FER1L6: variants seen among roughly 807,000 people sequenced by gnomAD.
The protein encoded by FER1L6 is fer-1 like family member 6, also known as fer-1-like protein 6.
In FER1L6, 177 loss-of-function variants were observed where a neutral mutation model predicts 219.2. That is an observed-to-expected ratio of 0.81 (90% CI 0.71 to 0.91). FER1L6 has a LOEUF of 0.91. Among genes scored for constraint, FER1L6 ranks in the 40% least tolerant of loss-of-function variants. The pLI is 0.00. For synonymous variants in FER1L6, 768 were observed against 824.3 expected (o/e 0.93, Z 1.17); for missense variants, 2,153 against 2,259.9 (o/e 0.95, Z 0.96).
intron 12 of FER1L6, among the ~76,000 whole-genome samples, chr8:123,988,593 A>G (rs1415045993): frequency 3.9e-5 from 6 of 152,056 alleles, no homozygotes; most frequent in Admixed American, 3.3e-4. Flanking sequence ...GCTATTGTAA[A>G]TGGGATTACT....
chr8:124,088,425 C>T (rs867251652), intron 33 of FER1L6, among the ~76,000 whole-genome samples: 1 of 151,880 alleles, frequency 6.6e-6, no homozygotes, highest in Non-Finnish European at 1.5e-5. Flanking sequence ...AGGGCAGGTC[C>T]AAAAATGCCA....
intron 22 of FER1L6, among the ~76,000 whole-genome samples, chr8:124,053,979 C>T (rs577441766): frequency 6.6e-6 from 1 of 152,290 alleles, no homozygotes; most frequent in African/African-American, 2.4e-5. Context: ...TGACTCATAG[C>T]CCCGTTGTTC....
intron 13 of FER1L6, 37 bp from the exon 14 acceptor site, chr8:124,010,557 A>G (rs1817875555): frequency 1.2e-6 from 2 of 1,610,250 alleles, no homozygotes; most frequent in Admixed American, 1.7e-5. Context: ...GAAAACACTG[A>G]TTACCAGCTA....
intron 31 of FER1L6, among the ~76,000 whole-genome samples, chr8:124,075,434 C>CACTA (rs1278765715): frequency 2.0e-5 from 3 of 152,170 alleles, no homozygotes; most frequent in Non-Finnish European, 4.4e-5. Flanking sequence ...TCTTCAAGGG[C>CACTA]ACTAACACGC....
At chr8:124,013,372 C>G in intron 14 of FER1L6, 59 bp from the exon 15 acceptor site, 1 of 970,974 alleles carries the variant, frequency 1.0e-6, no homozygotes. Context: ...TAATTAGTAT[C>G]TCTACTACCA....
intron 1 of FER1L6, among the ~76,000 whole-genome samples, chr8:123,907,074 T>C (rs947911142): frequency 3.3e-5 from 5 of 152,256 alleles, no homozygotes; most frequent in South Asian, 2.1e-4. Context: ...CCATACACAA[T>C]GTGTAAATGA....
At chr8:123,954,006 T>C (rs1381936220) in intron 1 of FER1L6, among the ~76,000 whole-genome samples, 2 of 152,164 alleles carry the variant, frequency 1.3e-5, no homozygotes, top group African/African-American at 2.4e-5. Context: ...AGGGGGAAAA[T>C]GCTACCTCCA....
intron 1 of FER1L6, among the ~76,000 whole-genome samples, chr8:123,938,714 T>C (rs1028529148): frequency 6.6e-6 from 1 of 151,898 alleles, no homozygotes; most frequent in African/African-American, 2.4e-5. Context: ...ACCCAGATAA[T>C]TTTTTGTGTT....
intron 1 of FER1L6, among the ~76,000 whole-genome samples, chr8:123,953,800 A>G (rs1814888527): frequency 1.3e-5 from 2 of 152,186 alleles, no homozygotes; most frequent in African/African-American, 2.4e-5. Flanking sequence ...TGAACTGCTC[A>G]TGGCAGGGGG....
chr8:123,882,181 A>AT (rs11338300), intron 1 of FER1L6, among the ~76,000 whole-genome samples: 2,006 of 147,776 alleles, frequency 0.014, 32 homozygotes, highest in African/African-American at 0.038. Context: ...ACAAAACCAC[A>AT]TTTTTTTTTT....
Position 124,097,375 on chromosome 8 carries a change from C to T in FER1L6, c.4784+16C>T, listed in dbSNP as rs1188461807. On this transcript the variant is annotated intron_variant, in intron 36 of 40. Transcript: ENST00000522917. ...GACCCAAAGGGTATGTCAGCTGTAG[C>T]CCCAGCTTCAGGGGAAGAGACCAGG... 3.2e-6 allele frequency: 5 copies of T among 1,575,040 alleles called. No individual in the cohort carries two copies. Among genetic ancestry groups the T allele is most frequent in the Non-Finnish European group, 4.4e-6 (5 of 1,146,916 alleles).
chr8:124,031,822 G>A (rs1039478338), intron 18 of FER1L6, among the ~76,000 whole-genome samples: 18 of 152,168 alleles, frequency 1.2e-4, no homozygotes, highest in Admixed American at 1.0e-3. Context: ...CAGGCTGAAA[G>A]TACACATGAA....
In FER1L6 at chr8:124,050,843, G is replaced by T. The variant is rs186382842; in HGVS notation, c.2874+1087G>T. On this transcript the variant is annotated intron_variant, in intron 22 of 40. Transcript: ENST00000522917. ...CCTCATGACCTCATTACTTCCTAAA[G>T]ACCCCACTTCCAAATACCATCACAT... 2.0e-5 allele frequency among the ~76,000 whole-genome samples: 3 copies of T among 151,948 alleles called. No homozygotes were observed. The East Asian group carries it at 5.8e-4, about 29-fold the overall frequency.
intron 22 of FER1L6, among the ~76,000 whole-genome samples, chr8:124,050,708 G>A (rs1819975397): frequency 6.6e-6 from 1 of 152,028 alleles, no homozygotes; most frequent in South Asian, 2.1e-4. Context: ...GGTGTCAGCA[G>A]ACCTGGCATG....
intron 5 of FER1L6, among the ~76,000 whole-genome samples, chr8:123,967,958 G>GA (rs879849276): frequency 0.011 from 1,548 of 140,412 alleles, 7 homozygotes; most frequent in African/African-American, 0.015. Context: ...GTTGTCTCAG[G>GA]AAAAAAAAAA....
At chr8:123,896,680 C>A (rs939375341) in intron 1 of FER1L6, among the ~76,000 whole-genome samples, 1 of 152,102 alleles carries the variant, frequency 6.6e-6, no homozygotes, top group Non-Finnish European at 1.5e-5. Flanking sequence ...GACACATAAA[C>A]CCTGATTTGT....
At chr8:124,027,164 G>A (rs1443160141) in intron 18 of FER1L6, among the ~76,000 whole-genome samples, 1 of 152,112 alleles carries the variant, frequency 6.6e-6, no homozygotes, top group Non-Finnish European at 1.5e-5. Flanking sequence ...AATTATATCT[G>A]CATTGACCCT....
chr8:124,046,868 G>C (rs1200675681), intron 21 of FER1L6: 1 of 152,158 alleles, frequency 6.6e-6, no homozygotes. Context: ...GCCCACTTTT[G>C]CCTGTACAGG....
chr8:124,044,882 A>G (rs1258955652), intron 20 of FER1L6, among the ~76,000 whole-genome samples: 1 of 152,226 alleles, frequency 6.6e-6, no homozygotes, highest in African/African-American at 2.4e-5. Context: ...TAAATGGCCT[A>G]GGAGGGGGCT....
Sources: allele counts gnomAD v4.1 joint callset (sites outside exome capture counted in the v4.1 genomes callset), GRCh38; gene constraint gnomAD v4.1.1; transcripts MANE v1.5; gene names NCBI Gene and HGNC (gene_info 2026-07-23, HGNC 2026-07-21).